COG6: variants seen among roughly 807,000 people sequenced by gnomAD.
COG6 encodes component of oligomeric golgi complex 6.
A neutral mutation model predicts 88.8 loss-of-function variants in COG6; 74 were observed. The observed-to-expected ratio is 0.83, with a 90% CI of 0.69 to 1.01. COG6 has a LOEUF of 1.01. Ranked by LOEUF, COG6 falls within the 50% of genes least tolerant of loss-of-function variation. The pLI is 0.00. For synonymous variants in COG6, 286 were observed against 278.7 expected (o/e 1.03, Z -0.26); for missense variants, 800 against 797.9 (o/e 1.00, Z -0.03).
At chr13:39,680,657 A>G (rs944298353) in intron 7 of COG6, among the ~76,000 whole-genome samples, 2 of 152,208 alleles carry the variant, frequency 1.3e-5, no homozygotes, top group African/African-American at 2.4e-5. Flanking sequence ...TGTTTGCAGC[A>G]CTGAGGTCTG....
intron 18 of COG6, among the ~76,000 whole-genome samples, chr13:39,745,037 A>T (rs1326120687): frequency 6.6e-6 from 1 of 152,130 alleles, no homozygotes; most frequent in African/African-American, 2.4e-5. Flanking sequence ...TGGCTAGCCA[A>T]ATGTAGAAAG....
At chr13:39,719,130 T>C in intron 13 of COG6, 106 bp from the exon 14 acceptor site, 2 of 1,048,984 alleles carry the variant, frequency 1.9e-6, no homozygotes, top group East Asian at 2.7e-5. Context: ...AATGTGTGAG[T>C]CTGTGCTTTA....
intron 8 of COG6, among the ~76,000 whole-genome samples, chr13:39,685,926 C>A (rs1259820971): frequency 6.6e-6 from 1 of 152,064 alleles, no homozygotes; most frequent in African/African-American, 2.4e-5. Context: ...GAAGACAAAC[C>A]CACAAAGAAC....
chr13:39,679,913 ATTAGGTGC>A, intron 6 of COG6, 54 bp from the exon 7 acceptor site: 2 of 873,796 alleles, frequency 2.3e-6, no homozygotes, highest in Non-Finnish European at 3.8e-6. Flanking sequence ...AAACAAAATA[ATTAGGTGC>A]TTAGATGTAT....
intron 3 of COG6, among the ~76,000 whole-genome samples, chr13:39,663,017 T>C (rs1875007708): frequency 6.6e-6 from 1 of 151,948 alleles, no homozygotes; most frequent in South Asian, 2.1e-4. Flanking sequence ...AGAAAACATT[T>C]AAAAATGTAA....
chr13:39,697,512 T>G (rs868648642), intron 12 of COG6, among the ~76,000 whole-genome samples: 7 of 151,962 alleles, frequency 4.6e-5, no homozygotes, highest in Admixed American at 1.3e-4. Flanking sequence ...GCAAAACTTT[T>G]CTCCCTGGAA....
intron 18 of COG6, among the ~76,000 whole-genome samples, chr13:39,749,896 A>C (rs1414514124): frequency 6.6e-6 from 1 of 152,168 alleles, no homozygotes; most frequent in African/African-American, 2.4e-5. Flanking sequence ...GAGAGATGTG[A>C]TAGAAAGTAT....
intron 13 of COG6, among the ~76,000 whole-genome samples, chr13:39,708,343 C>G (rs1006397993): frequency 6.6e-6 from 1 of 152,172 alleles, no homozygotes; most frequent in Non-Finnish European, 1.5e-5. Context: ...TCTTTTCACT[C>G]TCTTAGTCAT....
Position 39,660,816 on chromosome 13 carries a change from G to T in COG6, c.304G>T (p.Glu102Ter). The T allele has an allele frequency of 6.2e-7, 1 of 1,605,298 alleles. No homozygotes were observed. The change falls in exon 3 of 19, where the codon GAA becomes TAA. Residue 102 changes from glutamate to a stop codon, truncating the protein, a stop_gained. Transcript: ENST00000455146. LOFTEE classifies it high-confidence loss of function. Reference sequence around the variant, plus strand: ...TTACTTTTCTTCTTTTCAGGAACTTGAAAGCATAAGCGAAGATGTTCAAGC... The same window carrying T: ...TTACTTTTCTTCTTTTCAGGAACTTTAAAGCATAAGCGAAGATGTTCAAGC... ...SIFKEVKEELESISEDVQAMS... is the reference protein window; with the variant it reads ...SIFKEVKEEL
At chr13:39,786,587 T>C (rs1373206262) in intron 18 of COG6, among the ~76,000 whole-genome samples, 2 of 152,216 alleles carry the variant, frequency 1.3e-5, no homozygotes, top group African/African-American at 4.8e-5. Context: ...TACTCACTTA[T>C]ATTTGCACTT....
intron 1 of COG6, chr13:39,657,038 C>A: frequency 3.0e-6 from 1 of 337,212 alleles, no homozygotes; most frequent in Non-Finnish European, 5.9e-6. Context: ...GATAACATGG[C>A]CTTCTTTTTT....
chr13:39,693,331 C>T (rs1476920375), intron 11 of COG6, among the ~76,000 whole-genome samples: 1 of 151,712 alleles, frequency 6.6e-6, no homozygotes, highest in Non-Finnish European at 1.5e-5. Flanking sequence ...CCTCTTTTCT[C>T]TCTTTCTTAA....
chr13:39,750,230 C>G (rs559306466), intron 18 of COG6, among the ~76,000 whole-genome samples: 41 of 152,158 alleles, frequency 2.7e-4, no homozygotes, highest in Non-Finnish European at 4.7e-4. Context: ...CATGGTGATA[C>G]ATGAATAGTA....
At chr13:39,727,221 A>G (rs1879178117) in intron 17 of COG6, among the ~76,000 whole-genome samples, 1 of 152,108 alleles carries the variant, frequency 6.6e-6, no homozygotes, top group Non-Finnish European at 1.5e-5. Context: ...GAGGAAGACT[A>G]AAATGAATGG....
At chr13:39,683,817 A>G (rs1460678289) in intron 8 of COG6, among the ~76,000 whole-genome samples, 1 of 152,102 alleles carries the variant, frequency 6.6e-6, no homozygotes, top group Admixed American at 6.5e-5. Flanking sequence ...TGCCATGCAA[A>G]TAAATTTTCA....
chr13:39,704,859 A>G (rs1339968120), intron 13 of COG6, among the ~76,000 whole-genome samples: 1 of 152,138 alleles, frequency 6.6e-6, no homozygotes, highest in African/African-American at 2.4e-5. Flanking sequence ...TTACTAATTG[A>G]ACCCTGGATG....
At chr13:39,706,641 T>C (rs1484312321) in intron 13 of COG6, among the ~76,000 whole-genome samples, 1 of 152,106 alleles carries the variant, frequency 6.6e-6, no homozygotes, top group Non-Finnish European at 1.5e-5. Flanking sequence ...ATATATGGAA[T>C]ATGAAGTTTT....
chr13:39,673,933 T>C (rs931296372), intron 4 of COG6, among the ~76,000 whole-genome samples: 1 of 151,744 alleles, frequency 6.6e-6, no homozygotes, highest in Non-Finnish European at 1.5e-5. Context: ...TCAAAAAAGA[T>C]TATCACAATT....
rs1471053398 is a variant in COG6 at position 39,752,082 on chromosome 13, G to C, written c.*989G>C. The C allele has an allele frequency of 3.9e-6, 5 of 1,285,126 alleles. No individual in the cohort carries two copies. The East Asian group carries it at 2.8e-4, about 71-fold the overall frequency. 79.6% of individuals were successfully genotyped at this position (1,285,126 alleles called of 1,614,324 possible). ...ACTTTAGACCATTACCTATTAGGAAGATTAAAAATGACTGTATTTTTAAAG... is the reference window on the plus strand; with the variant it reads ...ACTTTAGACCATTACCTATTAGGAACATTAAAAATGACTGTATTTTTAAAG... On this transcript the variant is annotated 3_prime_UTR_variant, in exon 19 of 19. Coordinates refer to ENST00000455146, the MANE Select transcript of COG6 (RefSeq NM_020751.3).
Sources: allele counts gnomAD v4.1 joint callset (sites outside exome capture counted in the v4.1 genomes callset), GRCh38; gene constraint gnomAD v4.1.1; transcripts MANE v1.5; gene names NCBI Gene and HGNC (gene_info 2026-07-23, HGNC 2026-07-21).